The following NALF1 variants were observed in gnomAD, a reference collection of about 807,000 sequenced individuals.
NALF1 encodes the protein family with sequence similarity 155 member A.
In NALF1, 3 loss-of-function variants were observed where a neutral mutation model predicts 48.4. The observed-to-expected ratio is 0.06, with a 90% CI of 0.03 to 0.16. The LOEUF (loss-of-function observed/expected upper bound fraction) is 0.16. Ranked by LOEUF, NALF1 falls within the 10% of genes least tolerant of loss-of-function variation. NALF1 has a pLI of 1.00. For synonymous variants in NALF1, 262 were observed against 245.7 expected (o/e 1.07, Z -0.62); for missense variants, 526 against 571.5 (o/e 0.92, Z 0.81).
chr13:107,717,492 G>C (rs934488698), intron 1 of NALF1, among the ~76,000 whole-genome samples: 1 of 151,916 alleles, frequency 6.6e-6, no homozygotes, highest in African/African-American at 2.4e-5. Context: ...AGTGAAAGAG[G>C]AGAAGTCGAG....
intron 1 of NALF1, among the ~76,000 whole-genome samples, chr13:107,401,054 T>C (rs1594156236): frequency 6.6e-6 from 1 of 152,184 alleles, no homozygotes; most frequent in Non-Finnish European, 1.5e-5. Flanking sequence ...TGCGTTCCAG[T>C]GACCTACTGT....
At chr13:107,232,280 G>T (rs1880243032) in intron 1 of NALF1, among the ~76,000 whole-genome samples, 1 of 152,176 alleles carries the variant, frequency 6.6e-6, no homozygotes, top group Non-Finnish European at 1.5e-5. Context: ...CAAAATCAGG[G>T]GAACAATGGA....
intron 1 of NALF1, among the ~76,000 whole-genome samples, chr13:107,573,201 A>T (rs916851405): frequency 6.6e-6 from 1 of 152,190 alleles, no homozygotes; most frequent in Non-Finnish European, 1.5e-5. Context: ...ATTAGAACAG[A>T]ATTGCTTCCA....
intron 1 of NALF1, among the ~76,000 whole-genome samples, chr13:107,300,289 A>G (rs2138892073): frequency 6.6e-6 from 1 of 152,356 alleles, no homozygotes; most frequent in South Asian, 2.1e-4. Context: ...CTACTCAGTG[A>G]GACAGCCAGG....
At chr13:107,193,745 A>G (rs560434314) in intron 2 of NALF1, among the ~76,000 whole-genome samples, 3 of 152,300 alleles carry the variant, frequency 2.0e-5, no homozygotes, top group African/African-American at 7.2e-5. Context: ...CCACGTGTCT[A>G]TGAAAATTAA....
intron 1 of NALF1, among the ~76,000 whole-genome samples, chr13:107,259,686 T>C (rs1686348026): frequency 1.3e-5 from 2 of 152,182 alleles, no homozygotes; most frequent in African/African-American, 4.8e-5. Context: ...TTCAAATGGT[T>C]TCCAATGTTT....
rs142384636 is a variant in NALF1, at chr13:107,654,226, A to G, written c.915+211456T>C. On this transcript the variant is annotated intron_variant, in intron 1 of 2. Transcript: ENST00000375915. ...ATATTATAACTGACACCACAGAAAT[A>G]CAAGATTATTCAAGGCTACTGTAAA... 3.8e-3 allele frequency among the ~76,000 whole-genome samples: 585 copies of G among 152,290 alleles called. 5 individuals are homozygous for G. The highest frequency in any genetic ancestry group is 0.013 in the African/African-American group (545 of 41,578).
intron 1 of NALF1, among the ~76,000 whole-genome samples, chr13:107,586,718 G>C (rs549581764): frequency 7.0e-6 from 1 of 143,398 alleles, no homozygotes; most frequent in South Asian, 2.2e-4. Flanking sequence ...ATTGTCTAAG[G>C]GACTACCAGA....
At chr13:107,335,979 C>T (rs560760738) in intron 1 of NALF1, among the ~76,000 whole-genome samples, 13 of 151,958 alleles carry the variant, frequency 8.6e-5, no homozygotes, top group South Asian at 6.2e-4. Flanking sequence ...TAAGCTAGTA[C>T]GTCAGGGAAC....
chr13:107,621,904 T>G (rs991534730), intron 1 of NALF1, among the ~76,000 whole-genome samples: 1 of 152,126 alleles, frequency 6.6e-6, no homozygotes, highest in Admixed American at 6.5e-5. Flanking sequence ...CCAAGGTTGG[T>G]TCCACCACGG....
At chr13:107,245,387 A>T (rs1161646082) in intron 1 of NALF1, among the ~76,000 whole-genome samples, 1 of 152,234 alleles carries the variant, frequency 6.6e-6, no homozygotes, top group Non-Finnish European at 1.5e-5. Flanking sequence ...ATTACATGCA[A>T]GAAATGCCTG....
chr13:107,727,271 T>C (rs1000548564), intron 1 of NALF1, among the ~76,000 whole-genome samples: 4 of 152,194 alleles, frequency 2.6e-5, no homozygotes, highest in Non-Finnish European at 4.4e-5. Flanking sequence ...AAGAATGTCA[T>C]CTGAAAACAT....
At chr13:107,358,629 T>A (rs968618585) in intron 1 of NALF1, among the ~76,000 whole-genome samples, 2 of 152,102 alleles carry the variant, frequency 1.3e-5, no homozygotes, top group African/African-American at 4.8e-5. Flanking sequence ...AAACACAGTG[T>A]TGGAAATTAA....
chr13:107,750,895 C>T (rs1876920130), intron 1 of NALF1, among the ~76,000 whole-genome samples: 1 of 152,130 alleles, frequency 6.6e-6, no homozygotes, highest in African/African-American at 2.4e-5. Flanking sequence ...CAGCCCCCGG[C>T]CAAAATAAAA....
intron 2 of NALF1, among the ~76,000 whole-genome samples, chr13:107,192,112 G>C (rs1879295774): frequency 6.6e-6 from 1 of 152,118 alleles, no homozygotes; most frequent in Admixed American, 6.5e-5. Context: ...CAACATAAAA[G>C]AGAAATAAGA....
At chr13:107,257,819 G>A (rs1052744912) in intron 1 of NALF1, among the ~76,000 whole-genome samples, 3 of 152,110 alleles carry the variant, frequency 2.0e-5, no homozygotes, top group Admixed American at 6.6e-5. Context: ...GCAGCACTTT[G>A]GAGAGCTTCA....
At chr13:107,261,312 G>A (rs534431025) in intron 1 of NALF1, among the ~76,000 whole-genome samples, 17 of 151,916 alleles carry the variant, frequency 1.1e-4, no homozygotes, top group Admixed American at 7.2e-4. Context: ...CCATCTCCAC[G>A]CCCATGCACC....
At chr13:107,637,616 C>A (rs142037834) in intron 1 of NALF1, among the ~76,000 whole-genome samples, 2 of 152,136 alleles carry the variant, frequency 1.3e-5, no homozygotes, top group East Asian at 3.9e-4. Context: ...CTGACTGCCA[C>A]GTGCTAGTGT....
chr13:107,375,984 G>A (rs1883329284), intron 1 of NALF1, among the ~76,000 whole-genome samples: 1 of 151,904 alleles, frequency 6.6e-6, no homozygotes, highest in Admixed American at 6.6e-5. Flanking sequence ...CCACCAATGG[G>A]ATACTACAGA....
Sources: gnomAD v4.1 joint callset for allele counts (sites outside exome capture counted in the v4.1 genomes callset) on GRCh38, gnomAD v4.1.1 for gene constraint, MANE v1.5 for transcripts, NCBI Gene and HGNC (gene_info 2026-07-23, HGNC 2026-07-21) for gene names.